Variants in DENND1B observed in about 807,000 individuals in gnomAD.
DENND1B encodes the protein DENN domain containing 1B, also known as DENN domain-containing protein 1B.
A neutral mutation model predicts 90.1 loss-of-function variants in DENND1B; 59 were observed. That is an observed-to-expected ratio of 0.65 (90% confidence interval 0.53 to 0.81). DENND1B has a LOEUF of 0.81. Ranked by LOEUF, DENND1B falls within the 40% of genes least tolerant of loss-of-function variation. DENND1B has a pLI of 0.00. For synonymous variants in DENND1B, 337 were observed against 324.6 expected (o/e 1.04, Z -0.41); for missense variants, 862 against 912.6 (o/e 0.94, Z 0.71).
chr1:197,529,258 GTGTGTGTGTGTATA>G (rs1243000200), intron 20 of DENND1B, among the ~76,000 whole-genome samples: 370 of 15,022 alleles, frequency 0.025, 4 homozygotes, highest in Non-Finnish European at 0.075. Flanking sequence ...GTGTGTGTGT[GTGTGTGTGTGTATA>G]TGTATATATG....
At chr1:197,645,574 AAC>A (rs909687199) in intron 9 of DENND1B, 114 bp downstream of exon 9, 58 of 509,898 alleles carry the variant, frequency 1.1e-4, no homozygotes, top group African/African-American at 1.1e-3. Flanking sequence ...ATTTCTCACA[AAC>A]ACAGATAATT....
intron 5 of DENND1B, among the ~76,000 whole-genome samples, chr1:197,671,572 C>T (rs1027320609): frequency 2.0e-5 from 3 of 152,086 alleles, no homozygotes; most frequent in South Asian, 4.1e-4. Flanking sequence ...ATAAGGTTAA[C>T]GTCCTTTAAA....
At chr1:197,690,027 G>A (rs890827219) in intron 3 of DENND1B, 33 of 157,852 alleles carry the variant, frequency 2.1e-4, no homozygotes, top group Non-Finnish European at 4.0e-4. Context: ...TCTACAAATT[G>A]GTGATATTGG....
At chr1:197,590,086 T>C (rs949444984) in intron 14 of DENND1B, among the ~76,000 whole-genome samples, 1 of 152,190 alleles carries the variant, frequency 6.6e-6, no homozygotes, top group Non-Finnish European at 1.5e-5. Flanking sequence ...AGTATTGTCA[T>C]GTTTAAGGCA....
intron 2 of DENND1B, among the ~76,000 whole-genome samples, chr1:197,754,111 T>C (rs551385240): frequency 1.3e-5 from 2 of 152,092 alleles, no homozygotes; most frequent in East Asian, 3.9e-4. Context: ...TATTTCAATA[T>C]TGACTATTAA....
At chr1:197,554,137 ACACACACACAC>A (rs1671496858) in intron 15 of DENND1B, among the ~76,000 whole-genome samples, 3 of 143,410 alleles carry the variant, frequency 2.1e-5, no homozygotes, top group Non-Finnish European at 4.7e-5. Flanking sequence ...ACACACACAC[ACACACACACAC>A]GTATTACTAG....
chr1:197,595,564 C>G (rs1424099133), intron 13 of DENND1B, among the ~76,000 whole-genome samples: 1 of 151,916 alleles, frequency 6.6e-6, no homozygotes, highest in Non-Finnish European at 1.5e-5. Context: ...CTCTTTTTTT[C>G]CCAAGGCCTC....
intron 13 of DENND1B, among the ~76,000 whole-genome samples, chr1:197,605,306 A>G (rs953972919): frequency 2.6e-5 from 4 of 151,014 alleles, no homozygotes; most frequent in Non-Finnish European, 5.9e-5. Flanking sequence ...ATTTAAATAA[A>G]TGTTCTAATC....
chr1:197,607,289 G>A (rs1676771628), intron 12 of DENND1B, 115 bp from the exon 13 acceptor site: 1 of 609,396 alleles, frequency 1.6e-6, no homozygotes, highest in Admixed American at 3.8e-5. Context: ...AAAGAAAAAA[G>A]GAAAATCCTA....
rs918438070 is a variant in DENND1B at position 197,639,590 on chromosome 1, T to A, written c.672+3121A>T. On this transcript the variant is annotated intron_variant, in intron 10 of 22. Coordinates refer to ENST00000620048, the MANE Select transcript of DENND1B (RefSeq NM_001195215.2). ...AATGTTAGGCCACCTTTACATATAT[T>A]CCTCTAAAAATTAAGAGTTGGGCTG... 2.6e-5 allele frequency among the ~76,000 whole-genome samples: 4 copies of A among 152,130 alleles called. No individual in the cohort carries two copies. In the South Asian group the frequency reaches 8.3e-4, roughly 32 times the overall value.
intron 9 of DENND1B, among the ~76,000 whole-genome samples, chr1:197,643,046 T>A (rs1680410532): frequency 6.6e-6 from 1 of 152,208 alleles, no homozygotes; most frequent in African/African-American, 2.4e-5. Context: ...TTGCAGAGGA[T>A]GATCAGATCA....
At chr1:197,634,234 C>T (rs1679577110) in intron 10 of DENND1B, among the ~76,000 whole-genome samples, 1 of 152,122 alleles carries the variant, frequency 6.6e-6, no homozygotes. Context: ...AGTAGCCCAT[C>T]CCTTGTTACC....
chr1:197,554,301 T>C (rs1240970901), intron 15 of DENND1B, among the ~76,000 whole-genome samples: 15 of 152,078 alleles, frequency 9.9e-5, no homozygotes, highest in Admixed American at 9.2e-4. Context: ...AAGATTTACA[T>C]GCTTTTTGCA....
Position 197,652,245 on chromosome 1 carries a change from T to A in DENND1B, c.437A>T (p.Asn146Ile), listed in dbSNP as rs747306969. 1.9e-6 allele frequency: 3 copies of A among 1,610,024 alleles called. No homozygotes were observed. Among genetic ancestry groups the A allele is most frequent in the Admixed American group, 1.7e-5 (1 of 59,156 alleles). The change falls in exon 7 of 23, where the codon AAT becomes ATT. Residue 146 changes from asparagine to isoleucine, a missense_variant. Physicochemically the swap from Asn to Ile is moderately radical, Grantham distance 149. Coordinates refer to ENST00000620048, the MANE Select transcript of DENND1B (RefSeq NM_001195215.2). Reference sequence around the variant, plus strand: ...TGATTGAATACTTACCACACTCAAATTTACAGGAGTATTTGCCTTTGGTAC... The same window carrying A: ...TGATTGAATACTTACCACACTCAAAATTACAGGAGTATTTGCCTTTGGTAC... ...HPVPKANTPV[N>I]LSVNQEIFIA...
chr1:197,735,922 A>G, intron 2 of DENND1B: 1 of 1,507,162 alleles, frequency 6.6e-7, no homozygotes, highest in South Asian at 1.1e-5. Flanking sequence ...AAGAGGAATC[A>G]GAAACCTGAA....
At chr1:197,656,766 G>A (rs1653872805) in intron 6 of DENND1B, among the ~76,000 whole-genome samples, 1 of 151,586 alleles carries the variant, frequency 6.6e-6, no homozygotes, top group African/African-American at 2.4e-5. Context: ...TTGTACCACA[G>A]TGCTCCACCT....
intron 3 of DENND1B, among the ~76,000 whole-genome samples, chr1:197,702,562 C>T (rs1659143434): frequency 6.6e-6 from 1 of 152,138 alleles, no homozygotes; most frequent in Admixed American, 6.5e-5. Context: ...ATTAAATTGA[C>T]TTAATCAATG....
At position 197,584,573 on chromosome 1, in the gene DENND1B, T is replaced by C. The variant is rs539822297; in HGVS notation, c.1048-1320A>G. On this transcript the variant is annotated intron_variant, in intron 14 of 22. Transcript: ENST00000620048. The stretch of plus-strand genomic sequence containing the variant: ...CAAACAAATTATTAAAGAAGACAAT[T>C]CGATAAACTCTTAAGTGGTGTCACC... Among the ~76,000 whole-genome samples the C allele has an allele frequency of 2.6e-5, 4 of 152,254 alleles. No homozygotes were observed. The South Asian group carries it at 6.2e-4, about 24-fold the overall frequency.
At chr1:197,571,626 C>T (rs556578676) in intron 15 of DENND1B, among the ~76,000 whole-genome samples, 38 of 152,266 alleles carry the variant, frequency 2.5e-4, no homozygotes, top group African/African-American at 7.5e-4. Flanking sequence ...TTCTTATTTG[C>T]TGTTTGTTTG....
Sources: allele counts gnomAD v4.1 joint callset (sites outside exome capture counted in the v4.1 genomes callset), GRCh38; gene constraint gnomAD v4.1.1; transcripts MANE v1.5; gene names NCBI Gene and HGNC (gene_info 2026-07-23, HGNC 2026-07-21).